NCLN: variants seen among roughly 807,000 people sequenced by gnomAD.
NCLN encodes the protein nicalin, also known as BOS complex subunit NCLN.
In NCLN, 34 loss-of-function variants were observed where a neutral mutation model predicts 69.5. That is an observed-to-expected ratio of 0.49 (90% CI 0.37 to 0.65). NCLN has a LOEUF of 0.65. NCLN is among the 30% of genes least tolerant of loss of function. The probability of loss-of-function intolerance (pLI) is 0.00; values close to 1 mark genes in which losing one functional copy is unlikely to be tolerated. For synonymous variants in NCLN, 393 were observed against 358.3 expected, an observed-to-expected ratio of 1.10 and a Z score of -1.09; for missense variants, 710 against 804.8, an observed-to-expected ratio of 0.88 and a Z score of 1.42.
intron 4 of NCLN, among the ~76,000 whole-genome samples, chr19:3,198,059 C>A (rs1025565875): frequency 6.6e-6 from 1 of 152,202 alleles, no homozygotes; most frequent in Non-Finnish European, 1.5e-5. Context: ...AGTCTGCTGG[C>A]CCCCGGGCTA....
Position 3,206,308 on chromosome 19 carries a change from A to T in NCLN, c.1382A>T (p.Asn461Ile), listed in dbSNP as rs984909587. 6.5e-7 allele frequency: 1 copy of T among 1,548,186 alleles called. No homozygotes were observed. The highest frequency in any genetic ancestry group is 8.7e-7 in the Non-Finnish European group (1 of 1,146,894). The change falls in exon 12 of 15, where the codon AAC becomes ATC. Residue 461 changes from asparagine (N) to isoleucine (I), a missense_variant. Asn to Ile is a moderately radical substitution (Grantham distance 149, BLOSUM62 -3). Transcript: ENST00000246117. ...GACTCGGTGATGGACTGGCTCACCAACCAGCCGCGGGCCGCGCAGCTGGTG... is the reference window on the plus strand; with the variant it reads ...GACTCGGTGATGGACTGGCTCACCATCCAGCCGCGGGCCGCGCAGCTGGTG... ...QLDSVMDWLT[N>I]QPRAAQLVDK...
intron 1 of NCLN, 26 bp from the exon 2 acceptor site, chr19:3,192,444 T>A: frequency 6.4e-7 from 1 of 1,553,316 alleles, no homozygotes; most frequent in Non-Finnish European, 8.6e-7. Context: ...CCGCCGAGGC[T>A]CACGACCCCG....
intron 5 of NCLN, among the ~76,000 whole-genome samples, chr19:3,199,822 T>C (rs1339116265): frequency 6.7e-6 from 1 of 150,138 alleles, no homozygotes; most frequent in Non-Finnish European, 1.5e-5. Flanking sequence ...TGCCTCAGTC[T>C]CCCGAGTAGC....
Position 3,198,876 on chromosome 19 carries a change from C to T in NCLN, c.675C>T (p.Tyr225=), listed in dbSNP as rs775937371. The change falls in exon 5 of 15, where the codon TAC becomes TAT. Residue 225 remains tyrosine (Y), a synonymous_variant. Transcript: ENST00000246117. Reference sequence around the variant, plus strand: ...CCACCATCGTCATCGTGGCCCACTACGACGCCTTTGGAGTGGCCCCCGTAC... The same window carrying T: ...CCACCATCGTCATCGTGGCCCACTATGACGCCTTTGGAGTGGCCCCCGTAC... ...DLPTIVIVAH[Y]DAFGVAPWLS... 8.6e-5 allele frequency: 133 copies of T among 1,552,802 alleles called. No individual in the cohort carries two copies. Among genetic ancestry groups the T allele is most frequent in the Non-Finnish European group, 9.0e-5 (104 of 1,149,434 alleles).
intron 4 of NCLN, among the ~76,000 whole-genome samples, chr19:3,196,581 C>T (rs1341289344): frequency 1.3e-5 from 2 of 152,132 alleles, no homozygotes; most frequent in African/African-American, 4.8e-5. Flanking sequence ...GCCTTTGCAC[C>T]GGCTGCCCCT....
chr19:3,193,162 A>G (rs1296400397), intron 2 of NCLN, 122 bp from the exon 3 acceptor site: 2 of 919,214 alleles, frequency 2.2e-6, no homozygotes, highest in Admixed American at 2.5e-5. Context: ...GCCCCCTGCT[A>G]CCCCCTCCAG....
In NCLN at chr19:3,207,185, GCT is replaced by G; in HGVS notation, c.1500-7_1500-6del. 6.2e-7 allele frequency: 1 copy of G among 1,613,502 alleles called. No homozygotes were observed. The highest frequency in any genetic ancestry group is 8.5e-7 in the Non-Finnish European group (1 of 1,179,958). On this transcript the variant is annotated splice_polypyrimidine_tract_variant and intron_variant, in intron 12 of 14. Transcript: ENST00000246117. ...GCGCAGTGGTGCCCCCTGAGAAAGT[GCT>G]CTCTCCCCAGGGACCCAGAGTTTGT...
chr19:3,203,054 G>A (rs960077429), intron 6 of NCLN, among the ~76,000 whole-genome samples: 1 of 152,154 alleles, frequency 6.6e-6, no homozygotes, highest in African/African-American at 2.4e-5. Context: ...GGTGGCTTAT[G>A]CCTATAATCC....
Position 3,193,426 on chromosome 19 carries a change from A to C in NCLN, c.518A>C (p.Glu173Ala). ...SASQGSASAA[E>A]VLLRTATANG... Reference sequence around the variant, plus strand: ...TCCCAGGGCTCCGCCTCTGCTGCTGAAGGTGTGCTCTGGGCTGCAGGGACG... The same window carrying C: ...TCCCAGGGCTCCGCCTCTGCTGCTGCAGGTGTGCTCTGGGCTGCAGGGACG... The change falls in exon 3 of 15, where the codon GAA (glutamate) becomes GCA (alanine). Residue 173 changes from glutamate (E) to alanine (A), a missense_variant and splice_region_variant. Transcript: ENST00000246117. 6.2e-7 allele frequency: 1 copy of C among 1,602,568 alleles called. No individual in the cohort carries two copies. The highest frequency in any genetic ancestry group is 1.3e-5 in the African/African-American group (1 of 75,016).
chr19:3,206,237 A>T (rs482758), intron 11 of NCLN, 25 bp from the exon 12 acceptor site: 2 of 1,526,340 alleles, frequency 1.3e-6, no homozygotes, highest in African/African-American at 2.8e-5. Flanking sequence ...GGGCCAGGCC[A>T]TGACTACCAC....
At chr19:3,202,682 G>C (rs1599357527) in intron 6 of NCLN, among the ~76,000 whole-genome samples, 1 of 152,240 alleles carries the variant, frequency 6.6e-6, no homozygotes, top group African/African-American at 2.4e-5. Context: ...GGCCTCAAGC[G>C]ATCCTCCTGC....
chr19:3,188,711 A>G (rs1915734594), intron 1 of NCLN, among the ~76,000 whole-genome samples: 1 of 152,150 alleles, frequency 6.6e-6, no homozygotes, highest in Non-Finnish European at 1.5e-5. Context: ...CTTTCCCTGT[A>G]TGTGGCATTC....
At chr19:3,196,023 G>T (rs1231487434) in intron 3 of NCLN, among the ~76,000 whole-genome samples, 160 bp from the exon 4 acceptor site, 1 of 152,184 alleles carries the variant, frequency 6.6e-6, no homozygotes, top group African/African-American at 2.4e-5. Flanking sequence ...GTCCTAGGGG[G>T]AGCACGGGCA....
chr19:3,186,820 G>T (rs1915682759), intron 1 of NCLN, among the ~76,000 whole-genome samples: 1 of 147,696 alleles, frequency 6.8e-6, no homozygotes, highest in African/African-American at 2.5e-5. Context: ...CCCCTCCCAC[G>T]GCCCTGGGTG....
chr19:3,186,585 C>T (rs1192421268), intron 1 of NCLN, among the ~76,000 whole-genome samples: 1 of 152,206 alleles, frequency 6.6e-6, no homozygotes, highest in African/African-American at 2.4e-5. Context: ...GCCCCCTCCG[C>T]CCCTTAGGCT....
At chr19:3,193,199 C>CCCA in intron 2 of NCLN, 85 bp from the exon 3 acceptor site, 1 of 1,322,382 alleles carries the variant, frequency 7.6e-7, no homozygotes, top group Non-Finnish European at 1.0e-6. Context: ...CCCTGCTACC[C>CCCA]CCACCAGGGA....
Position 3,201,564 on chromosome 19 carries a change from T to C in NCLN, c.738T>C (p.Ser246=), listed in dbSNP as rs1472978643. ...LGADSNGSGV[S]VLLELARLFS... ...CGGACTCCAACGGGAGCGGCGTCTC[T>C]GTGCTGCTGGAGCTGGCACGCCTCT... The change falls in exon 6 of 15, where the codon TCT becomes TCC. Residue 246 remains serine, a synonymous_variant. Transcript: ENST00000246117. 9 of 1,568,728 alleles carry C rather than the reference T, an allele frequency of 5.7e-6. No homozygotes were observed. The highest frequency in any genetic ancestry group is 6.9e-6 in the Non-Finnish European group (8 of 1,164,176).
chr19:3,200,405 G>T (rs759707842), intron 5 of NCLN, among the ~76,000 whole-genome samples: 47 of 147,672 alleles, frequency 3.2e-4, no homozygotes, highest in Non-Finnish European at 5.9e-4. Flanking sequence ...TCGCCTCCCG[G>T]GTTCAAGCGA....
At chr19:3,194,845 T>C (rs1915917626) in intron 3 of NCLN, among the ~76,000 whole-genome samples, 1 of 148,190 alleles carries the variant, frequency 6.7e-6, no homozygotes, top group Non-Finnish European at 1.5e-5. Context: ...GAAGGAGGAA[T>C]CTTCTACTTG....
Sources: allele counts gnomAD v4.1 joint callset (sites outside exome capture counted in the v4.1 genomes callset), GRCh38; gene constraint gnomAD v4.1.1; transcripts MANE v1.5; gene names NCBI Gene and HGNC (gene_info 2026-07-23, HGNC 2026-07-21).